Variants in PTPRD observed in about 807,000 individuals in gnomAD.
The protein encoded by PTPRD is receptor-type tyrosine-protein phosphatase delta.
A neutral mutation model predicts 214.5 loss-of-function variants in PTPRD; 34 were observed. The observed-to-expected ratio is 0.16, with a 90% CI of 0.12 to 0.21. The LOEUF is 0.21. Among genes scored for constraint, PTPRD ranks in the 10% least tolerant of loss-of-function variants. The pLI is 1.00. For synonymous variants in PTPRD, 1,128 were observed against 845.7 expected (o/e 1.33, Z -5.79); for missense variants, 2,545 against 2,398.7 (o/e 1.06, Z -1.27).
rs528542057 is a variant in PTPRD, at chr9:9,184,228, G to A, written c.-202-865C>T. ...AGCTCTGCATCTTTCCCTATCACAC[G>A]TTATCACATCACCCTGTGTCGGAGA... On this transcript the variant is annotated intron_variant, in intron 9 of 45. Coordinates refer to ENST00000381196, the MANE Select transcript of PTPRD (RefSeq NM_002839.4). 1.5e-3 allele frequency among the ~76,000 whole-genome samples: 225 copies of A among 152,062 alleles called. 1 individual carries two copies. The highest frequency in any genetic ancestry group is 7.1e-3 in the South Asian group (34 of 4,816).
intron 3 of PTPRD, among the ~76,000 whole-genome samples, chr9:10,279,678 T>A (rs1416221900): frequency 2.0e-5 from 3 of 150,928 alleles, no homozygotes; most frequent in South Asian, 2.1e-4. Context: ...CTAGACACTA[T>A]GCTAGCTTAT....
intron 14 of PTPRD, among the ~76,000 whole-genome samples, chr9:8,632,488 A>AAATGAG (rs2096283947): frequency 6.6e-6 from 1 of 151,952 alleles, no homozygotes; most frequent in African/African-American, 2.4e-5. Flanking sequence ...AAAACAAAAC[A>AAATGAG]AATGAGTTGT....
At chr9:10,209,955 C>T (rs1382595633) in intron 3 of PTPRD, among the ~76,000 whole-genome samples, 1 of 152,046 alleles carries the variant, frequency 6.6e-6, no homozygotes, top group Non-Finnish European at 1.5e-5. Context: ...AACAATGTAA[C>T]AATCAGTACC....
At chr9:9,945,879 C>T (rs538411307) in intron 4 of PTPRD, among the ~76,000 whole-genome samples, 36 of 152,076 alleles carry the variant, frequency 2.4e-4, no homozygotes, top group South Asian at 6.2e-4. Flanking sequence ...CAAATCTATA[C>T]GTACCTGAAA....
At chr9:9,651,176 A>G (rs891920936) in intron 7 of PTPRD, among the ~76,000 whole-genome samples, 13 of 152,190 alleles carry the variant, frequency 8.5e-5, no homozygotes, top group African/African-American at 2.9e-4. Flanking sequence ...TATCATTTCT[A>G]TGAATAAACC....
At chr9:8,556,287 G>A (rs1252669081) in intron 14 of PTPRD, among the ~76,000 whole-genome samples, 1 of 152,176 alleles carries the variant, frequency 6.6e-6, no homozygotes, top group Non-Finnish European at 1.5e-5. Flanking sequence ...TTTGGGTCAT[G>A]TTTGATTACT....
At chr9:10,167,186 T>C (rs1158024935) in intron 3 of PTPRD, among the ~76,000 whole-genome samples, 1 of 151,852 alleles carries the variant, frequency 6.6e-6, no homozygotes. Flanking sequence ...GAGCCTGATG[T>C]GTATTTCAGA....
At chr9:9,985,333 T>G (rs1231337349) in intron 4 of PTPRD, among the ~76,000 whole-genome samples, 1 of 152,232 alleles carries the variant, frequency 6.6e-6, no homozygotes, top group African/African-American at 2.4e-5. Flanking sequence ...GTATTTGCAA[T>G]CCTTAATAAT....
intron 2 of PTPRD, among the ~76,000 whole-genome samples, chr9:10,497,562 A>G (rs1284860942): frequency 6.6e-6 from 1 of 152,062 alleles, no homozygotes; most frequent in Non-Finnish European, 1.5e-5. Flanking sequence ...TTAAAAGTCT[A>G]TAATTGAAGT....
chr9:9,737,996 T>G (rs1014393963), intron 6 of PTPRD, among the ~76,000 whole-genome samples: 9 of 152,086 alleles, frequency 5.9e-5, no homozygotes, highest in Admixed American at 5.2e-4. Context: ...TTATTTTCTA[T>G]TTTATTAAAA....
intron 3 of PTPRD, among the ~76,000 whole-genome samples, chr9:10,248,328 G>A (rs16925597): frequency 0.047 from 7,168 of 151,836 alleles, 362 homozygotes; most frequent in East Asian, 0.14. Flanking sequence ...TAAAAATTAC[G>A]AATTATTACC....
At chr9:9,220,404 C>T (rs1466758233) in intron 9 of PTPRD, among the ~76,000 whole-genome samples, 1 of 150,574 alleles carries the variant, frequency 6.6e-6, no homozygotes, top group Non-Finnish European at 1.5e-5. Context: ...ATAAATCTTA[C>T]CAAATGAAGG....
intron 10 of PTPRD, among the ~76,000 whole-genome samples, chr9:9,069,581 C>A (rs903210569): frequency 6.6e-6 from 1 of 152,304 alleles, no homozygotes; most frequent in East Asian, 1.9e-4. Context: ...TGGCTCCAGC[C>A]TTGTATTGAG....
intron 4 of PTPRD, among the ~76,000 whole-genome samples, chr9:9,979,402 A>C (rs2095466874): frequency 6.6e-6 from 1 of 152,088 alleles, no homozygotes; most frequent in Non-Finnish European, 1.5e-5. Context: ...TTCTGGAAAA[A>C]TATACAAAAA....
intron 21 of PTPRD, among the ~76,000 whole-genome samples, chr9:8,516,200 C>T (rs573947601): frequency 6.6e-6 from 1 of 152,266 alleles, no homozygotes; most frequent in Admixed American, 6.5e-5. Flanking sequence ...TTACGGATGT[C>T]TACATTTCCC....
intron 4 of PTPRD, among the ~76,000 whole-genome samples, chr9:10,031,681 C>CACACACAT (rs1555495089): frequency 3.0e-5 from 4 of 133,868 alleles, no homozygotes; most frequent in East Asian, 2.2e-4. Flanking sequence ...CACACACACA[C>CACACACAT]ATATCCTATT....
chr9:10,525,451 T>A (rs961919114), intron 2 of PTPRD, among the ~76,000 whole-genome samples: 1 of 152,106 alleles, frequency 6.6e-6, no homozygotes, highest in East Asian at 1.9e-4. Context: ...AAATTACAGA[T>A]GATATGAAAA....
At chr9:9,770,926 TTGGAAA>T (rs2098747030) in intron 5 of PTPRD, among the ~76,000 whole-genome samples, 1 of 152,136 alleles carries the variant, frequency 6.6e-6, no homozygotes, top group African/African-American at 2.4e-5. Flanking sequence ...TAGAGCCTAC[TTGGAAA>T]TGGTCAAATA....
intron 27 of PTPRD, among the ~76,000 whole-genome samples, chr9:8,492,332 C>A (rs1354563304): frequency 6.6e-6 from 1 of 152,102 alleles, no homozygotes; most frequent in Non-Finnish European, 1.5e-5. Context: ...CCCTCCAGAT[C>A]TTCATGGGAC....
Sources: allele counts gnomAD v4.1 joint callset (sites outside exome capture counted in the v4.1 genomes callset), GRCh38; gene constraint gnomAD v4.1.1; transcripts MANE v1.5; gene names NCBI Gene and HGNC (gene_info 2026-07-23, HGNC 2026-07-21).